Variants in RSF1 observed in about 807,000 individuals in gnomAD.
RSF1 encodes the protein HBV pX-associated protein 8.
RSF1 carries 13 observed loss-of-function variants against 145.2 expected under a neutral mutation model. The ratio of observed to expected loss-of-function variants is 0.09; its 90% confidence interval spans 0.06 to 0.14. The LOEUF is 0.14. Ranked by LOEUF, RSF1 falls within the 10% of genes least tolerant of loss-of-function variation. RSF1 has a pLI of 1.00. For synonymous variants in RSF1, 577 were observed against 592.6 expected, an observed-to-expected ratio of 0.97 and a Z score of 0.38; for missense variants, 1,517 against 1,718.2, an observed-to-expected ratio of 0.88 and a Z score of 2.07.
At chr11:77,838,944 ACC>A in the RSF1 span, among the ~76,000 whole-genome samples, 95 of 152,280 alleles carry the variant, frequency 6.2e-4, 2 homozygotes, top group African/African-American at 2.3e-3. Flanking sequence ...TACTGTGCTT[ACC>A]AGTGCTAGAA....
Position 77,704,866 on chromosome 11 carries a change from C to T in RSF1, c.734-2371G>A, listed in dbSNP as rs545634573. Among the ~76,000 whole-genome samples the T allele has an allele frequency of 9.9e-5, 15 of 151,338 alleles. No individual in the cohort carries two copies. In the South Asian group the frequency reaches 2.3e-3, roughly 23 times the overall value. ...CTCCTGGGTTCAAGCGATTCTCTTG[C>T]CTCAGCCTCCCAGTAGCTGGGATTA... is the stretch of plus-strand genomic sequence containing the variant. On this transcript the variant is annotated intron_variant, in intron 5 of 15. Coordinates refer to ENST00000308488, the MANE Select transcript of RSF1 (RefSeq NM_016578.4).
At chr11:77,697,069 C>T (rs966956020) in intron 7 of RSF1, among the ~76,000 whole-genome samples, 18 of 152,200 alleles carry the variant, frequency 1.2e-4, no homozygotes, top group Admixed American at 3.9e-4. Context: ...AAGTATGTGG[C>T]GTGAGTCCCA....
the RSF1 span, among the ~76,000 whole-genome samples, chr11:77,863,110 G>A: frequency 1.3e-5 from 2 of 152,112 alleles, no homozygotes; most frequent in East Asian, 3.9e-4. Flanking sequence ...ATGGAATCTT[G>A]GGCCATGCTG....
chr11:77,761,081 C>T (rs933651905), intron 2 of RSF1, among the ~76,000 whole-genome samples: 2 of 151,926 alleles, frequency 1.3e-5, no homozygotes, highest in Admixed American at 1.3e-4. Context: ...AGTAGCTGGG[C>T]GCTTGCCACC....
In RSF1 at chr11:77,663,165, A is replaced by C. The variant is rs1000272149; in HGVS notation, c.*3752T>G. ...AGTTCCTAGCTTTTTCTGAATATTA[A>C]ACTTGTAGATTCATTAGGTTCTTTA... On this transcript the variant is annotated 3_prime_UTR_variant, in exon 16 of 16. Coordinates refer to ENST00000308488, the MANE Select transcript of RSF1 (RefSeq NM_016578.4). The C allele has an allele frequency of 6.6e-6, 1 of 152,126 alleles. No individual in the cohort carries two copies. Among genetic ancestry groups the C allele is most frequent in the African/African-American group, 2.4e-5 (1 of 41,418 alleles). 9.4% of individuals were successfully genotyped at this position (152,126 alleles called of 1,614,324 possible). A position where few individuals can be genotyped will look rare whatever the true frequency, so the allele number is the denominator to read the frequency against.
chr11:77,814,592 C>A (rs988238372), intron 1 of RSF1, among the ~76,000 whole-genome samples: 8 of 152,006 alleles, frequency 5.3e-5, no homozygotes, highest in Admixed American at 1.3e-4. Context: ...ATTACAGGCG[C>A]CTGACACCAG....
rs959558435 is a variant in RSF1, at chr11:77,662,112, GTTTT to G, written c.*4801_*4804del. The G allele has an allele frequency of 1.3e-5, 2 of 151,908 alleles. No individual in the cohort carries two copies. Among genetic ancestry groups the G allele is most frequent in the African/African-American group, 2.4e-5 (1 of 41,358 alleles). The allele number at this position is 151,908 out of a possible 1,614,324, so 9.4% of individuals were successfully genotyped here. On this transcript the variant is annotated 3_prime_UTR_variant, in exon 16 of 16. Coordinates refer to ENST00000308488, the MANE Select transcript of RSF1 (RefSeq NM_016578.4). ...GAAAAAACAAAATTCCTTTAAAAAT[GTTTT>G]TTTCTCATTCAAAATATCCAAGAAA... is the stretch of plus-strand genomic sequence containing the variant.
chr11:77,760,996 C>T (rs995111956), intron 2 of RSF1, among the ~76,000 whole-genome samples: 3 of 152,012 alleles, frequency 2.0e-5, no homozygotes, highest in Non-Finnish European at 4.4e-5. Flanking sequence ...ACCGCGATCT[C>T]GGCTCACTGC....
the RSF1 span, among the ~76,000 whole-genome samples, chr11:77,858,268 C>A: frequency 7.0e-6 from 1 of 143,538 alleles, no homozygotes; most frequent in African/African-American, 2.6e-5. Context: ...AATCTCGGCT[C>A]ACTACAACCT....
Position 77,701,014 on chromosome 11 carries a change from T to G in RSF1, c.2215A>C (p.Ile739Leu). 6.2e-7 allele frequency: 1 copy of G among 1,613,782 alleles called. No homozygotes were observed. The highest frequency in any genetic ancestry group is 2.2e-5 in the East Asian group (1 of 44,884). Residue 739 changes from isoleucine to leucine, a missense_variant, in exon 6 of 16, where the codon ATA becomes CTA. Ile to Leu is a conservative substitution (Grantham distance 5). Around this residue, in one of 12 missense-constraint regions of RSF1, gnomAD observed 579 missense variants for 553.5 expected, o/e 1.05. Transcript: ENST00000308488. ...TCGGGCTTCTTTTTCCGACTTGATA[T>G]CCTGATTGTTAATTTGATGCCCTCT... ...QKEGIKLTIR[I>L]SSRKKKPDSP...
chr11:77,824,612 G>A (rs7104059), upstream of RSF1, among the ~76,000 whole-genome samples: 555 of 152,240 alleles, frequency 3.6e-3, 1 homozygote, highest in Non-Finnish European at 5.9e-3. Flanking sequence ...GTAAAAGAAG[G>A]CAGACACAAA....
At position 77,666,819 on chromosome 11, in the gene RSF1, G is replaced by T; in HGVS notation, c.*98C>A. ...TTTTTCTTCTAAAAGTCATTCTGTA[G>T]TGGAGTTTTCTAGGAAAAATTAAAC... is the stretch of plus-strand genomic sequence containing the variant. On this transcript the variant is annotated 3_prime_UTR_variant, in exon 16 of 16. Transcript: ENST00000308488. The T allele has an allele frequency of 1.0e-6, 1 of 1,000,252 alleles. No homozygotes were observed. 62.0% of individuals were successfully genotyped at this position (1,000,252 alleles called of 1,614,324 possible).
At chr11:77,776,643 GATGGTGATC>G (rs1948345232) in intron 1 of RSF1, among the ~76,000 whole-genome samples, 1 of 152,164 alleles carries the variant, frequency 6.6e-6, no homozygotes, top group South Asian at 2.1e-4. Context: ...TTCACCAGCA[GATGGTGATC>G]ATGTCTTACT....
chr11:77,670,691 G>A (rs1437521765), intron 15 of RSF1, among the ~76,000 whole-genome samples: 1 of 151,964 alleles, frequency 6.6e-6, no homozygotes, highest in African/African-American at 2.4e-5. Context: ...GTACACATTC[G>A]AAAAAGATGT....
chr11:77,709,277 TACC>T (rs1381180166), intron 5 of RSF1, among the ~76,000 whole-genome samples: 2 of 152,202 alleles, frequency 1.3e-5, no homozygotes, highest in African/African-American at 4.8e-5. Flanking sequence ...CACACCTCCT[TACC>T]ACCATCTATA....
At chr11:77,798,481 T>C (rs1948594221) in intron 1 of RSF1, among the ~76,000 whole-genome samples, 1 of 149,000 alleles carries the variant, frequency 6.7e-6, no homozygotes, top group Middle Eastern at 3.5e-3. Context: ...CTTGGAAGGC[T>C]GAGGAAGGAG....
At chr11:77,743,268 G>C (rs1004429253) in intron 3 of RSF1, among the ~76,000 whole-genome samples, 9 of 152,102 alleles carry the variant, frequency 5.9e-5, no homozygotes, top group African/African-American at 1.9e-4. Context: ...TTATTTCTGT[G>C]AACAATGCCA....
At chr11:77,678,895 C>T (rs1297187525) in intron 11 of RSF1, among the ~76,000 whole-genome samples, 2 of 152,190 alleles carry the variant, frequency 1.3e-5, no homozygotes, top group Non-Finnish European at 2.9e-5. Context: ...CTTGGACCTC[C>T]TAGTTTCTAG....
At chr11:77,853,471 C>T in the RSF1 span, among the ~76,000 whole-genome samples, 2 of 152,014 alleles carry the variant, frequency 1.3e-5, no homozygotes, top group African/African-American at 4.8e-5. Flanking sequence ...TGAGAATTCA[C>T]TCACTATCAC....
Sources: allele counts gnomAD v4.1 joint callset (sites outside exome capture counted in the v4.1 genomes callset), GRCh38; gene constraint gnomAD v4.1.1; regional missense constraint gnomAD v4.1.1; transcripts MANE v1.5; gene names NCBI Gene and HGNC (gene_info 2026-07-23, HGNC 2026-07-21).